The following CRPPA variants were observed in gnomAD, a reference collection of about 807,000 sequenced individuals.
The protein encoded by CRPPA is CDP-L-ribitol pyrophosphorylase A.
In CRPPA, 43 loss-of-function variants were observed where a neutral mutation model predicts 52.0. The observed-to-expected ratio is 0.83, with a 90% CI of 0.65 to 1.07. The LOEUF (loss-of-function observed/expected upper bound fraction) is 1.07. CRPPA is among the 50% of genes least tolerant of loss of function. CRPPA has a pLI of 0.00. For synonymous variants in CRPPA, 250 were observed against 203.5 expected, an observed-to-expected ratio of 1.23 and a Z score of -1.94; for missense variants, 629 against 551.7, an observed-to-expected ratio of 1.14 and a Z score of -1.40.
chr7:16,145,080 T>A (rs1041915840), intron 9 of CRPPA, among the ~76,000 whole-genome samples: 1 of 152,298 alleles, frequency 6.6e-6, no homozygotes, highest in Admixed American at 6.5e-5. Context: ...GCCCCAGGAA[T>A]TGGCCTGCCA....
At chr7:16,175,538 G>T (rs1781277031) in intron 9 of CRPPA, among the ~76,000 whole-genome samples, 1 of 152,126 alleles carries the variant, frequency 6.6e-6, no homozygotes. Flanking sequence ...TTGTGTCGCT[G>T]TGACTATAAC....
At chr7:16,409,800 A>T (rs1227683351) in intron 1 of CRPPA, among the ~76,000 whole-genome samples, 2 of 152,206 alleles carry the variant, frequency 1.3e-5, no homozygotes, top group Non-Finnish European at 2.9e-5. Flanking sequence ...AAGCAATAAG[A>T]AATTTTTACC....
At chr7:16,391,751 ACTG>A (rs1217424292) in intron 2 of CRPPA, among the ~76,000 whole-genome samples, 7 of 152,170 alleles carry the variant, frequency 4.6e-5, no homozygotes, top group Non-Finnish European at 7.4e-5. Context: ...TCACTCCATG[ACTG>A]CTGTCTCTCC....
At chr7:16,399,922 C>A (rs981068654) in intron 2 of CRPPA, among the ~76,000 whole-genome samples, 1 of 151,822 alleles carries the variant, frequency 6.6e-6, no homozygotes, top group Non-Finnish European at 1.5e-5. Context: ...GTGTGACAGG[C>A]GTGTTATGTG....
In CRPPA at chr7:16,092,260, G is replaced by C. The variant is rs533460278; in HGVS notation, c.1252-461C>G. 2.6e-5 allele frequency among the ~76,000 whole-genome samples: 4 copies of C among 152,272 alleles called. No homozygotes were observed. The South Asian group carries it at 8.3e-4, about 32-fold the overall frequency. On this transcript the variant is annotated intron_variant, in intron 9 of 9. Coordinates refer to ENST00000407010, the MANE Select transcript of CRPPA (RefSeq NM_001101426.4). ...TAAGAATCGGGAAAATTCAAGAAAT[G>C]AGTTATTTTACAAGTTGCTAAAAAG...
chr7:16,124,107 C>CTTTTTTTT (rs35595388), intron 9 of CRPPA, among the ~76,000 whole-genome samples: 1 of 133,614 alleles, frequency 7.5e-6, no homozygotes, highest in African/African-American at 2.8e-5. Flanking sequence ...CAATTTCTTT[C>CTTTTTTTT]TTTTTTTATT....
At chr7:16,149,813 C>T (rs2128378497) in intron 9 of CRPPA, among the ~76,000 whole-genome samples, 1 of 152,130 alleles carries the variant, frequency 6.6e-6, no homozygotes, top group Non-Finnish European at 1.5e-5. Flanking sequence ...CGGTGAAACC[C>T]CGTCTCTACT....
At chr7:16,383,936 G>A (rs187547007) in intron 2 of CRPPA, among the ~76,000 whole-genome samples, 37 of 152,306 alleles carry the variant, frequency 2.4e-4, no homozygotes, top group East Asian at 5.8e-4. Context: ...CTCCCTGACC[G>A]CTTGCACTTC....
intron 4 of CRPPA, among the ~76,000 whole-genome samples, chr7:16,301,990 C>T (rs1443170274): frequency 6.6e-6 from 1 of 152,046 alleles, no homozygotes; most frequent in Non-Finnish European, 1.5e-5. Context: ...ATAGAAAGAG[C>T]CTATAGGGTA....
In CRPPA at chr7:16,392,509, A is replaced by T. The variant is rs556289048; in HGVS notation, c.534+13552T>A. 2.0e-5 allele frequency among the ~76,000 whole-genome samples: 3 copies of T among 152,264 alleles called. No homozygotes were observed. The East Asian group carries it at 5.8e-4, about 29-fold the overall frequency. ...AAGCATTATGCTTTGCATAATGAGGAATACGCAAAATGCAATCCTTGCTCT... is the reference window on the plus strand; with the variant it reads ...AAGCATTATGCTTTGCATAATGAGGTATACGCAAAATGCAATCCTTGCTCT... On this transcript the variant is annotated intron_variant, in intron 2 of 9. Coordinates refer to ENST00000407010, the MANE Select transcript of CRPPA (RefSeq NM_001101426.4).
At chr7:16,399,983 G>A (rs767018668) in intron 2 of CRPPA, among the ~76,000 whole-genome samples, 4 of 152,178 alleles carry the variant, frequency 2.6e-5, no homozygotes, top group Admixed American at 1.3e-4. Context: ...CGATTGACAC[G>A]TGACTGACGC....
chr7:16,221,503 C>G (rs944593895), intron 8 of CRPPA, among the ~76,000 whole-genome samples: 34 of 152,236 alleles, frequency 2.2e-4, no homozygotes, highest in African/African-American at 8.2e-4. Context: ...TCAGAGTGAA[C>G]AGGCAACCTA....
intron 3 of CRPPA, among the ~76,000 whole-genome samples, chr7:16,317,802 T>C (rs1207692904): frequency 2.0e-5 from 3 of 152,182 alleles, no homozygotes; most frequent in Admixed American, 2.0e-4. Context: ...CTATTTTCAA[T>C]TGTTTGAGGA....
Position 16,395,501 on chromosome 7 carries a change from G to C in CRPPA, c.534+10560C>G, listed in dbSNP as rs1268588152. ...AACGGCATCTCTAAAGCTAATCATT[G>C]GGAATTATAAGATTGAATATTTCAC... is the stretch of plus-strand genomic sequence containing the variant. On this transcript the variant is annotated intron_variant, in intron 2 of 9. Coordinates refer to ENST00000407010, the MANE Select transcript of CRPPA (RefSeq NM_001101426.4). Among the ~76,000 whole-genome samples, 5 of 152,206 alleles carry C rather than the reference G, an allele frequency of 3.3e-5. No individual in the cohort carries two copies. The South Asian group carries it at 1.0e-3, about 32-fold the overall frequency.
intron 2 of CRPPA, among the ~76,000 whole-genome samples, chr7:16,402,086 C>A (rs1050728578): frequency 7.2e-6 from 1 of 139,616 alleles, no homozygotes; most frequent in Non-Finnish European, 1.6e-5. Flanking sequence ...AATTTCCACA[C>A]TAAGACCCAT....
chr7:16,137,982 G>A (rs751486043), intron 9 of CRPPA, among the ~76,000 whole-genome samples: 2 of 151,946 alleles, frequency 1.3e-5, no homozygotes, highest in Non-Finnish European at 2.9e-5. Flanking sequence ...ATGTCCTATA[G>A]GAAAATATTT....
chr7:16,304,081 G>C (rs1338954335), intron 4 of CRPPA, among the ~76,000 whole-genome samples: 1 of 152,134 alleles, frequency 6.6e-6, no homozygotes, highest in East Asian at 1.9e-4. Context: ...TTAATTAAAA[G>C]TAAATGGGGT....
intron 3 of CRPPA, among the ~76,000 whole-genome samples, chr7:16,361,357 A>G (rs1414673048): frequency 1.3e-5 from 2 of 152,194 alleles, no homozygotes; most frequent in Non-Finnish European, 2.9e-5. Context: ...TTCCACTTCT[A>G]GGCATATACT....
chr7:16,103,215 A>G (rs1310745836), intron 9 of CRPPA, among the ~76,000 whole-genome samples: 3 of 152,182 alleles, frequency 2.0e-5, no homozygotes, highest in South Asian at 2.1e-4. Flanking sequence ...GAGAAAACAA[A>G]ACACCGCATG....
Sources: gnomAD v4.1 joint callset for allele counts (sites outside exome capture counted in the v4.1 genomes callset) on GRCh38, gnomAD v4.1.1 for gene constraint, MANE v1.5 for transcripts, NCBI Gene and HGNC (gene_info 2026-07-23, HGNC 2026-07-21) for gene names.